Variants in COL27A1 observed in about 807,000 individuals in gnomAD.
COL27A1 encodes the protein collagen type XXVII alpha 1 chain.
Under a neutral mutation model 251.3 loss-of-function variants are expected in COL27A1, and 106 were observed. The observed-to-expected ratio is 0.42, with a 90% CI of 0.36 to 0.50. The LOEUF (loss-of-function observed/expected upper bound fraction) is 0.50, where lower values mean the gene tolerates loss of function less well. Among genes scored for constraint, COL27A1 ranks in the 20% least tolerant of loss-of-function variants. COL27A1 has a pLI of 0.00. For missense variants in COL27A1, 2,325 were observed against 2,522.8 expected, an observed-to-expected ratio of 0.92 and a Z score of 1.68; for synonymous variants, 1,000 against 986.3, an observed-to-expected ratio of 1.01 and a Z score of -0.26.
intron 12 of COL27A1, chr9:114,217,809 T>C (rs16927409): frequency 0.072 from 34,057 of 470,740 alleles, 1,394 homozygotes; most frequent in African/African-American, 0.13. Context: ...AGGTGGGAAC[T>C]CAATGCCTTC....
chr9:114,183,101 A>ACT, intron 5 of COL27A1, 26 bp downstream of exon 5: 1 of 1,606,818 alleles, frequency 6.2e-7, no homozygotes, highest in Non-Finnish European at 8.5e-7. Flanking sequence ...AGATGTGGCC[A>ACT]TGGAGTGGGT....
chr9:114,233,210 T>A (rs2135440211), intron 16 of COL27A1, among the ~76,000 whole-genome samples: 1 of 152,308 alleles, frequency 6.6e-6, no homozygotes, highest in South Asian at 2.1e-4. Flanking sequence ...AGTTCCTACG[T>A]CTCACAGATG....
chr9:114,277,410 G>T (rs1463216899), intron 37 of COL27A1, among the ~76,000 whole-genome samples: 1 of 152,142 alleles, frequency 6.6e-6, no homozygotes, highest in Non-Finnish European at 1.5e-5. Flanking sequence ...AGAGACTGAC[G>T]TTGTTACCTA....
At chr9:114,279,280 C>T (rs1381428372) in intron 37 of COL27A1, among the ~76,000 whole-genome samples, 1 of 152,230 alleles carries the variant, frequency 6.6e-6, no homozygotes, top group Non-Finnish European at 1.5e-5. Flanking sequence ...CACTGAGCCT[C>T]AGTTCCTTTA....
intron 57 of COL27A1, 62 bp from the exon 58 acceptor site, chr9:114,306,458 G>A (rs1160879372): frequency 6.4e-7 from 1 of 1,561,958 alleles, no homozygotes; most frequent in African/African-American, 1.4e-5. Flanking sequence ...GGCTGTGGAG[G>A]CTTGAACCCC....
chr9:114,219,833 G>A lies in COL27A1; in HGVS notation c.2410G>A (p.Asp804Asn), dbSNP rs1358362130. The A allele has an allele frequency of 2.5e-6, 4 of 1,610,364 alleles. No homozygotes were observed. In the Admixed American group the frequency reaches 6.7e-5, roughly 27 times the overall value. The change falls in exon 13 of 61, where the codon GAT (aspartate) becomes AAT (asparagine). Residue 804 changes from aspartate to asparagine, a missense_variant. Physicochemically the swap from Asp to Asn is conservative, Grantham distance 23. This residue lies in a region of COL27A1 where 1,183 missense variants were observed against 1,144.1 expected (regional missense o/e 1.03). Coordinates refer to ENST00000356083, the MANE Select transcript of COL27A1 (RefSeq NM_032888.4). ...VFGERGPPGL[D>N]GNPGELGLPG... ...TGGGGAAAGAGGCCCTCCTGGACTG[G>A]ATGGAAATCCTGTGAGTATTTCAAG... is the stretch of plus-strand genomic sequence containing the variant.
intron 7 of COL27A1, among the ~76,000 whole-genome samples, chr9:114,196,527 G>T (rs1829146644): frequency 6.6e-6 from 1 of 152,218 alleles, no homozygotes; most frequent in Non-Finnish European, 1.5e-5. Flanking sequence ...CCTGGGGTCA[G>T]TTGGACCTGG....
intron 16 of COL27A1, among the ~76,000 whole-genome samples, chr9:114,234,888 GAAACCCCATCTTTACTA>G (rs1008784097): frequency 6.9e-5 from 10 of 145,372 alleles, no homozygotes; most frequent in African/African-American, 2.1e-4. Context: ...GCAACATGGC[GAAACCCCATCTTTACTA>G]AAAATACAAA....
chr9:114,310,254 A>G (rs1829356929), intron 60 of COL27A1, among the ~76,000 whole-genome samples: 1 of 152,168 alleles, frequency 6.6e-6, no homozygotes, highest in African/African-American at 2.4e-5. Context: ...AAATATATAT[A>G]TATGTATATG....
At chr9:114,212,533 G>C (rs1214528361) in intron 12 of COL27A1, among the ~76,000 whole-genome samples, 1 of 152,224 alleles carries the variant, frequency 6.6e-6, no homozygotes, top group Non-Finnish European at 1.5e-5. Flanking sequence ...CTAAGAGAGA[G>C]TAGGATAGGG....
At chr9:114,244,107 T>C (rs922019948) in intron 23 of COL27A1, among the ~76,000 whole-genome samples, 3 of 151,984 alleles carry the variant, frequency 2.0e-5, no homozygotes, top group African/African-American at 7.2e-5. Flanking sequence ...TTTGTATTTT[T>C]AGTAGAGATG....
At chr9:114,158,729 A>G (rs950934741) in intron 1 of COL27A1, among the ~76,000 whole-genome samples, 1 of 152,208 alleles carries the variant, frequency 6.6e-6, no homozygotes, top group Non-Finnish European at 1.5e-5. Flanking sequence ...CTGAGAGCCA[A>G]CTTTCCAGGC....
intron 49 of COL27A1, among the ~76,000 whole-genome samples, chr9:114,296,428 A>T (rs1828261683): frequency 6.6e-6 from 1 of 152,256 alleles, no homozygotes; most frequent in Non-Finnish European, 1.5e-5. Flanking sequence ...AAGTATACTG[A>T]TAGCAAATAA....
chr9:114,186,100 C>T (rs1828318985), intron 5 of COL27A1, among the ~76,000 whole-genome samples: 1 of 152,234 alleles, frequency 6.6e-6, no homozygotes, highest in African/African-American at 2.4e-5. Flanking sequence ...GGAGCTTTGT[C>T]AGGGTGTCAC....
intron 25 of COL27A1, among the ~76,000 whole-genome samples, chr9:114,251,685 G>T (rs185899551): frequency 3.3e-5 from 5 of 152,062 alleles, no homozygotes; most frequent in African/African-American, 4.8e-5. Context: ...CATTGACTGC[G>T]CCATTCCCTT....
chr9:114,296,345 C>T (rs1368405400), intron 49 of COL27A1, among the ~76,000 whole-genome samples: 1 of 152,046 alleles, frequency 6.6e-6, no homozygotes. Context: ...AAAGAACTCG[C>T]AAAACTCAAT....
chr9:114,256,470 G>A (rs777387768), intron 27 of COL27A1, among the ~76,000 whole-genome samples: 1 of 152,208 alleles, frequency 6.6e-6, no homozygotes, highest in Non-Finnish European at 1.5e-5. Context: ...TCCAGCCTGG[G>A]CGACAGAGCA....
intron 12 of COL27A1, 55 bp from the exon 13 acceptor site, chr9:114,219,736 C>T (rs1830948375): frequency 7.7e-7 from 1 of 1,291,564 alleles, no homozygotes; most frequent in Non-Finnish European, 1.1e-6. Flanking sequence ...TCAAAGCCCA[C>T]CCTGAAGGTG....
Position 114,265,051 on chromosome 9 carries a change from CA to C in COL27A1, c.3295-14del, listed in dbSNP as rs1834639706. The stretch of plus-strand genomic sequence containing the variant: ...TGTGATCTGAGCCTGTAATGACCCC[CA>C]CATGTGCTTCCAGGGTGTGGCTGGT... On this transcript the variant is annotated splice_polypyrimidine_tract_variant and intron_variant, in intron 30 of 60. Transcript: ENST00000356083. 1.2e-6 allele frequency: 2 copies of C among 1,613,820 alleles called. No homozygotes were observed. Among genetic ancestry groups the C allele is most frequent in the Non-Finnish European group, 1.7e-6 (2 of 1,179,900 alleles).
Sources: gnomAD v4.1 joint callset for allele counts (sites outside exome capture counted in the v4.1 genomes callset) on GRCh38, gnomAD v4.1.1 for gene constraint, gnomAD v4.1.1 regional missense constraint, MANE v1.5 for transcripts, NCBI Gene and HGNC (gene_info 2026-07-23, HGNC 2026-07-21) for gene names.